RASGRF2: variants seen among roughly 807,000 people sequenced by gnomAD.
The protein encoded by RASGRF2 is Ras protein specific guanine nucleotide releasing factor 2, also known as ras-specific guanine nucleotide-releasing factor 2.
A neutral mutation model predicts 151.0 loss-of-function variants in RASGRF2; 76 were observed. The ratio of observed to expected loss-of-function variants is 0.50; its 90% CI spans 0.42 to 0.61. The LOEUF (loss-of-function observed/expected upper bound fraction) is 0.61. RASGRF2 is among the 20% of genes least tolerant of loss of function. The probability of loss-of-function intolerance (pLI) is 0.00; values close to 1 mark genes in which losing one functional copy is unlikely to be tolerated. For missense variants in RASGRF2, 1,148 were observed against 1,564.6 expected, an observed-to-expected ratio of 0.73 and a Z score of 4.49; for synonymous variants, 504 against 566.5, an observed-to-expected ratio of 0.89 and a Z score of 1.57.
intron 15 of RASGRF2, among the ~76,000 whole-genome samples, chr5:81,118,675 T>G (rs1443243717): frequency 6.6e-6 from 1 of 152,234 alleles, no homozygotes; most frequent in Non-Finnish European, 1.5e-5. Flanking sequence ...GAGCTGCAAA[T>G]TTTCCAAGTC....
At chr5:81,225,478 G>A (rs1335886055) in intron 26 of RASGRF2, among the ~76,000 whole-genome samples, 200 bp from the exon 27 acceptor site, 1 of 151,132 alleles carries the variant, frequency 6.6e-6, no homozygotes, top group African/African-American at 2.4e-5. Context: ...GAGGTACCTG[G>A]GATTGGGGGT....
chr5:80,975,996 C>T (rs953928785), intron 1 of RASGRF2, among the ~76,000 whole-genome samples: 2 of 152,088 alleles, frequency 1.3e-5, no homozygotes, highest in Non-Finnish European at 2.9e-5. Flanking sequence ...AGGCATGTGC[C>T]ACCACACCCG....
chr5:81,088,438 C>G (rs981397577), intron 9 of RASGRF2: 9 of 152,252 alleles, frequency 5.9e-5, no homozygotes, highest in Non-Finnish European at 7.3e-5. Context: ...ACCTCTCTCT[C>G]CTGGTTACTG....
intron 2 of RASGRF2, among the ~76,000 whole-genome samples, chr5:81,061,728 C>A (rs181454648): frequency 5.9e-5 from 9 of 152,034 alleles, no homozygotes; most frequent in African/African-American, 2.2e-4. Context: ...CATTTTGTCA[C>A]CCAACCTGGA....
At chr5:81,001,405 C>T (rs557990781) in intron 1 of RASGRF2, among the ~76,000 whole-genome samples, 3 of 152,246 alleles carry the variant, frequency 2.0e-5, no homozygotes, top group East Asian at 1.9e-4. Flanking sequence ...TTCAGGTGCA[C>T]TATTTGGTAT....
At chr5:81,210,822 T>G (rs1356261587) in intron 22 of RASGRF2, among the ~76,000 whole-genome samples, 1 of 152,060 alleles carries the variant, frequency 6.6e-6, no homozygotes, top group East Asian at 1.9e-4. Flanking sequence ...CCCACCTCTG[T>G]CCCCTTGCTC....
intron 1 of RASGRF2, among the ~76,000 whole-genome samples, chr5:81,042,001 T>A (rs1750692427): frequency 6.6e-6 from 1 of 152,212 alleles, no homozygotes; most frequent in Non-Finnish European, 1.5e-5. Context: ...TCCATGTTAT[T>A]GTTTTTATCA....
chr5:81,042,850 G>T (rs1390288258), intron 1 of RASGRF2, 27 bp from the exon 2 acceptor site: 8 of 1,523,914 alleles, frequency 5.2e-6, no homozygotes, highest in Non-Finnish European at 7.2e-6. Flanking sequence ...ATAGAACTAA[G>T]TTTTTTGTGT....
chr5:81,112,524 G>A, intron 13 of RASGRF2, 86 bp from the exon 14 acceptor site: 2 of 1,550,720 alleles, frequency 1.3e-6, no homozygotes, highest in African/African-American at 1.4e-5. Context: ...ACTCCTGAGT[G>A]TGTGATTACA....
At position 81,135,113 on chromosome 5, in the gene RASGRF2, C is replaced by T. The variant is rs529418494; in HGVS notation, c.2686+7950C>T. 2.0e-5 allele frequency among the ~76,000 whole-genome samples: 3 copies of T among 150,786 alleles called. No homozygotes were observed. The East Asian group carries it at 5.9e-4, about 29-fold the overall frequency. On this transcript the variant is annotated intron_variant, in intron 17 of 26. Coordinates refer to ENST00000265080, the MANE Select transcript of RASGRF2 (RefSeq NM_006909.3). ...CTTGAGCCCAGGAGTTCAAGACCAA[C>T]CTGGGCAACATAGTAAAACCCCATT...
chr5:81,183,133 C>T, intron 18 of RASGRF2: 2 of 959,334 alleles, frequency 2.1e-6, no homozygotes, highest in Non-Finnish European at 2.5e-6. Context: ...AAAACTACAG[C>T]CAAGCATGGT....
chr5:81,078,871 G>A (rs1437033967), intron 5 of RASGRF2, among the ~76,000 whole-genome samples: 2 of 152,186 alleles, frequency 1.3e-5, no homozygotes, highest in Non-Finnish European at 2.9e-5. Flanking sequence ...TCAGGGAGCA[G>A]CCCTTAAACT....
intron 2 of RASGRF2, among the ~76,000 whole-genome samples, chr5:81,066,870 G>T (rs971168156): frequency 4.6e-5 from 7 of 152,198 alleles, no homozygotes; most frequent in Non-Finnish European, 7.3e-5. Flanking sequence ...AGCTTTTGTG[G>T]TATAAACATG....
chr5:80,967,209 C>T (rs1253819590), intron 1 of RASGRF2, among the ~76,000 whole-genome samples: 1 of 151,976 alleles, frequency 6.6e-6, no homozygotes, highest in Non-Finnish European at 1.5e-5. Context: ...ACCAACATGG[C>T]GAAACCCTGT....
chr5:80,988,182 T>C (rs915759021), intron 1 of RASGRF2, among the ~76,000 whole-genome samples: 9 of 151,856 alleles, frequency 5.9e-5, no homozygotes, highest in Non-Finnish European at 1.0e-4. Flanking sequence ...TCCCAAGCAG[T>C]TGGGACTGCA....
chr5:81,033,669 A>G (rs1353646869), intron 1 of RASGRF2, among the ~76,000 whole-genome samples: 1 of 152,050 alleles, frequency 6.6e-6, no homozygotes, highest in Non-Finnish European at 1.5e-5. Context: ...AAAGACTTAA[A>G]TGTTAGACCT....
chr5:81,123,549 A>G, intron 15 of RASGRF2, 93 bp from the exon 16 acceptor site: 2 of 1,405,234 alleles, frequency 1.4e-6, no homozygotes, highest in Non-Finnish European at 1.9e-6. Context: ...AATGCTTATT[A>G]TCTGTAATGA....
intron 17 of RASGRF2, among the ~76,000 whole-genome samples, chr5:81,165,942 C>G (rs185627623): frequency 1.3e-5 from 2 of 152,240 alleles, no homozygotes; most frequent in Admixed American, 1.3e-4. Context: ...TCATCCTTTC[C>G]TACTGTCTGA....
In RASGRF2 at chr5:81,227,828, T is replaced by G. The variant is rs1756030012; in HGVS notation, c.*2058T>G. On this transcript the variant is annotated 3_prime_UTR_variant, in exon 27 of 27. Coordinates refer to ENST00000265080, the MANE Select transcript of RASGRF2 (RefSeq NM_006909.3). ...CTCTGCCTTGGAGTTGCCAGAGTCC[T>G]TCAGAGGGAAAGGGATGGTTCTGTG... 1 of 152,152 alleles carries G rather than the reference T, an allele frequency of 6.6e-6. No individual in the cohort carries two copies. Among genetic ancestry groups the G allele is most frequent in the Non-Finnish European group, 1.5e-5 (1 of 68,026 alleles). The allele number at this position is 152,152 out of a possible 1,614,324, so 9.4% of individuals were successfully genotyped here. A position where few individuals can be genotyped will look rare whatever the true frequency, so the allele number is the denominator to read the frequency against.
Sources: gnomAD v4.1 joint callset for allele counts (sites outside exome capture counted in the v4.1 genomes callset) on GRCh38, gnomAD v4.1.1 for gene constraint, MANE v1.5 for transcripts, NCBI Gene and HGNC (gene_info 2026-07-23, HGNC 2026-07-21) for gene names.